The following CSMD1 variants were observed in gnomAD, a reference collection of about 807,000 sequenced individuals.
The protein encoded by CSMD1 is CUB and Sushi multiple domains 1.
Under a neutral mutation model 417.5 loss-of-function variants are expected in CSMD1, and 213 were observed. The observed-to-expected ratio is 0.51, with a 90% CI of 0.46 to 0.57. The LOEUF (loss-of-function observed/expected upper bound fraction) is 0.57, where lower values mean the gene tolerates loss of function less well. Among genes scored for constraint, CSMD1 ranks in the 20% least tolerant of loss-of-function variants. CSMD1 has a pLI of 0.00. For synonymous variants in CSMD1, 2,862 were observed against 1,736.8 expected, an observed-to-expected ratio of 1.65 and a Z score of -16.11; for missense variants, 6,923 against 4,529.7, an observed-to-expected ratio of 1.53 and a Z score of -15.17.
rs73500653 is a variant in CSMD1, at chr8:4,285,956, C to T, written c.415+133997G>A. 1.2e-3 allele frequency among the ~76,000 whole-genome samples: 190 copies of T among 152,212 alleles called. 2 individuals are homozygous for T. Among genetic ancestry groups the T allele is most frequent in the African/African-American group, 4.3e-3 (180 of 41,538 alleles). The stretch of plus-strand genomic sequence containing the variant: ...AAGTGGCTATGATATATCCGCAATG[C>T]TATAATTACACGTATGCAGTGAGTC... On this transcript the variant is annotated intron_variant, in intron 3 of 69. Coordinates refer to ENST00000635120, the MANE Select transcript of CSMD1 (RefSeq NM_033225.6).
chr8:4,021,036 G>C (rs550382953), intron 4 of CSMD1, among the ~76,000 whole-genome samples: 23 of 152,264 alleles, frequency 1.5e-4, no homozygotes, highest in African/African-American at 5.5e-4. Context: ...ACGTAAGTGA[G>C]AATAAAACCC....
At chr8:4,578,332 ATTTTTTTT>A (rs1172600205) in intron 2 of CSMD1, among the ~76,000 whole-genome samples, 25 of 48,768 alleles carry the variant, frequency 5.1e-4, no homozygotes, top group East Asian at 4.4e-3. Context: ...CACCCGGCTC[ATTTTTTTT>A]TTTTTTTTTT....
intron 2 of CSMD1, among the ~76,000 whole-genome samples, chr8:4,424,231 C>A (rs894094421): frequency 1.3e-5 from 2 of 151,690 alleles, no homozygotes; most frequent in Non-Finnish European, 2.9e-5. Context: ...TGCAAAAGAC[C>A]GCATTAAGAG....
chr8:3,386,494 C>T (rs1019558366), intron 18 of CSMD1, among the ~76,000 whole-genome samples: 2 of 152,188 alleles, frequency 1.3e-5, no homozygotes, highest in Admixed American at 1.3e-4. Context: ...TGGGTTCGTG[C>T]TTTGGTGACA....
At chr8:4,869,672 G>C (rs181636093) in intron 1 of CSMD1, among the ~76,000 whole-genome samples, 3 of 151,552 alleles carry the variant, frequency 2.0e-5, no homozygotes, top group Non-Finnish European at 4.4e-5. Context: ...AAAACATTAG[G>C]GCACCATTTT....
intron 2 of CSMD1, among the ~76,000 whole-genome samples, chr8:4,537,276 C>T (rs898009748): frequency 6.6e-6 from 1 of 151,928 alleles, no homozygotes; most frequent in Non-Finnish European, 1.5e-5. Flanking sequence ...ATAAATTATC[C>T]ATCTGGTAAA....
chr8:4,433,144 C>T (rs1178569944), intron 2 of CSMD1, among the ~76,000 whole-genome samples: 2 of 152,216 alleles, frequency 1.3e-5, no homozygotes, highest in Non-Finnish European at 2.9e-5. Context: ...GAAAAACAAG[C>T]TCAGAGCTCC....
intron 3 of CSMD1, among the ~76,000 whole-genome samples, chr8:4,045,959 G>C (rs982876923): frequency 6.6e-5 from 10 of 151,900 alleles, no homozygotes; most frequent in Non-Finnish European, 1.3e-4. Flanking sequence ...TCAAATCAAA[G>C]TATATTAGAT....
At chr8:3,751,031 T>C (rs1277791626) in intron 6 of CSMD1, among the ~76,000 whole-genome samples, 2 of 152,152 alleles carry the variant, frequency 1.3e-5, no homozygotes, top group Admixed American at 6.5e-5. Context: ...TGGTGTCTAG[T>C]ACTGAACCTA....
chr8:4,118,683 G>A (rs1187292135), intron 3 of CSMD1, among the ~76,000 whole-genome samples: 2 of 152,278 alleles, frequency 1.3e-5, no homozygotes, highest in African/African-American at 4.8e-5. Flanking sequence ...AGACAGTGTG[G>A]TGATTGCTCA....
intron 10 of CSMD1, among the ~76,000 whole-genome samples, chr8:3,530,835 A>G (rs902554910): frequency 6.7e-6 from 1 of 150,286 alleles, no homozygotes; most frequent in Non-Finnish European, 1.5e-5. Context: ...GCCCTGCTGC[A>G]GTGAATCTTG....
At chr8:3,747,913 C>G (rs1797139007) in intron 6 of CSMD1, among the ~76,000 whole-genome samples, 1 of 152,128 alleles carries the variant, frequency 6.6e-6, no homozygotes, top group East Asian at 1.9e-4. Context: ...AGCTCCCTCC[C>G]ACTTCCCAGC....
At chr8:3,116,588 A>G (rs1422236890) in intron 42 of CSMD1, among the ~76,000 whole-genome samples, 2 of 152,230 alleles carry the variant, frequency 1.3e-5, no homozygotes. Flanking sequence ...GTTATATACC[A>G]TGTTAGAATT....
At chr8:3,394,023 TATATATA>T (rs1563342348) in intron 17 of CSMD1, among the ~76,000 whole-genome samples, 8,785 of 96,052 alleles carry the variant, frequency 0.091, 822 homozygotes, top group East Asian at 0.19. Context: ...TATATATATA[TATATATA>T]TATATATATA....
rs1563146970 is a variant in CSMD1 at position 3,553,136 on chromosome 8, G to GA, written c.1344+21808dup. The stretch of plus-strand genomic sequence containing the variant: ...TTGTGGACAAGGAGAAAAAAAAAAA[G>GA]AAAGGAAAGACCTACTCTGAATATC... On this transcript the variant is annotated intron_variant, in intron 10 of 69. Coordinates refer to ENST00000635120, the MANE Select transcript of CSMD1 (RefSeq NM_033225.6). Among the ~76,000 whole-genome samples the GA allele has an allele frequency of 2.0e-4, 29 of 142,340 alleles. No individual in the cohort carries two copies. The East Asian group carries it at 3.8e-3, about 19-fold the overall frequency. The allele number at this position is 142,340 out of a possible 152,430, so 93.4% of individuals were successfully genotyped here.
At chr8:3,987,231 G>GC (rs1814401835) in intron 5 of CSMD1, among the ~76,000 whole-genome samples, 1 of 151,838 alleles carries the variant, frequency 6.6e-6, no homozygotes, top group Non-Finnish European at 1.5e-5. Context: ...CACTCTTCCT[G>GC]TGAACATGCT....
At chr8:3,673,714 G>A (rs1255293146) in intron 7 of CSMD1, among the ~76,000 whole-genome samples, 1 of 152,140 alleles carries the variant, frequency 6.6e-6, no homozygotes. Context: ...TGCATGATAT[G>A]AGCACTGCAT....
intron 5 of CSMD1, among the ~76,000 whole-genome samples, chr8:3,985,097 G>A (rs1190073198): frequency 1.3e-5 from 2 of 151,882 alleles, no homozygotes; most frequent in African/African-American, 4.8e-5. Context: ...TACTTAGGGG[G>A]GACTTGTCAT....
intron 10 of CSMD1, among the ~76,000 whole-genome samples, chr8:3,522,360 G>T (rs371931827): frequency 6.6e-6 from 1 of 152,188 alleles, no homozygotes; most frequent in Non-Finnish European, 1.5e-5. Context: ...TTAAAGGAAT[G>T]TATGTCAGGA....
Sources: gnomAD v4.1 joint callset for allele counts (sites outside exome capture counted in the v4.1 genomes callset) on GRCh38, gnomAD v4.1.1 for gene constraint, MANE v1.5 for transcripts, NCBI Gene and HGNC (gene_info 2026-07-23, HGNC 2026-07-21) for gene names.